The following RUNX2 variants were observed in gnomAD, a reference collection of about 807,000 sequenced individuals.
RUNX2 encodes the protein RUNX family transcription factor 2, also known as runt-related transcription factor 2.
RUNX2 carries 10 observed loss-of-function variants against 51.7 expected under a neutral mutation model. The observed-to-expected ratio is 0.19, with a 90% CI of 0.12 to 0.33. The LOEUF (loss-of-function observed/expected upper bound fraction) is 0.33, where lower values mean the gene tolerates loss of function less well. Ranked by LOEUF, RUNX2 falls within the 10% of genes least tolerant of loss-of-function variation. The pLI is 1.00. For missense variants in RUNX2, 562 were observed against 691.3 expected, an observed-to-expected ratio of 0.81 and a Z score of 2.10; for synonymous variants, 276 against 273.6, an observed-to-expected ratio of 1.01 and a Z score of -0.09.
chr6:45,537,237 C>G (rs1802066957), intron 7 of RUNX2, among the ~76,000 whole-genome samples: 1 of 152,158 alleles, frequency 6.6e-6, no homozygotes, highest in Non-Finnish European at 1.5e-5. Flanking sequence ...GCGTCTGCCT[C>G]CCATTCCACC....
intron 2 of RUNX2, among the ~76,000 whole-genome samples, chr6:45,381,150 A>G (rs1042232612): frequency 1.3e-5 from 2 of 152,152 alleles, no homozygotes; most frequent in Admixed American, 6.6e-5. Flanking sequence ...CTGTTTTCCA[A>G]TTGCATTCTC....
chr6:45,532,161 G>GTTTTTTTTTT (rs1801873724), intron 7 of RUNX2, among the ~76,000 whole-genome samples: 1 of 100,808 alleles, frequency 9.9e-6, no homozygotes. Flanking sequence ...AGAAAACCTA[G>GTTTTTTTTTT]ATTTTTTTTT....
At chr6:45,506,200 C>T (rs553510258) in intron 6 of RUNX2, among the ~76,000 whole-genome samples, 40 of 152,246 alleles carry the variant, frequency 2.6e-4, no homozygotes, top group African/African-American at 8.9e-4. Context: ...CCTCAGGGCC[C>T]GCAGGAGCAG....
At chr6:45,373,712 G>A (rs751526349) in intron 2 of RUNX2, among the ~76,000 whole-genome samples, 6 of 151,964 alleles carry the variant, frequency 3.9e-5, no homozygotes, top group South Asian at 2.1e-4. Flanking sequence ...CACCATGCCC[G>A]GCTAATTTTT....
intron 5 of RUNX2, among the ~76,000 whole-genome samples, chr6:45,446,794 C>A (rs1799011696): frequency 6.6e-6 from 1 of 152,054 alleles, no homozygotes; most frequent in Non-Finnish European, 1.5e-5. Flanking sequence ...TTTATTTAAG[C>A]AGGTATAAAA....
chr6:45,409,214 T>C (rs1459401619), intron 2 of RUNX2, among the ~76,000 whole-genome samples: 2 of 152,238 alleles, frequency 1.3e-5, no homozygotes, highest in African/African-American at 4.8e-5. Flanking sequence ...CTCTTCCTTT[T>C]GAACTCCCTT....
intron 5 of RUNX2, among the ~76,000 whole-genome samples, chr6:45,483,201 T>C (rs1253257661): frequency 6.6e-6 from 1 of 152,188 alleles, no homozygotes; most frequent in Admixed American, 6.5e-5. Flanking sequence ...GAAGACAGTT[T>C]CTTAGCCCAT....
chr6:45,373,246 G>A (rs181888958), intron 2 of RUNX2, among the ~76,000 whole-genome samples: 14 of 152,120 alleles, frequency 9.2e-5, no homozygotes, highest in South Asian at 8.3e-4. Context: ...AGCCGGCCAC[G>A]ATTTTCATGT....
chr6:45,433,604 A>G (rs1339136196), intron 4 of RUNX2, among the ~76,000 whole-genome samples: 1 of 152,132 alleles, frequency 6.6e-6, no homozygotes, highest in African/African-American at 2.4e-5. Flanking sequence ...TTTGTATTAT[A>G]TAGATGCTGC....
At chr6:45,416,231 C>A (rs1011210359) in intron 2 of RUNX2, among the ~76,000 whole-genome samples, 1 of 152,082 alleles carries the variant, frequency 6.6e-6, no homozygotes, top group African/African-American at 2.4e-5. Flanking sequence ...TCTATTTTTT[C>A]TTACTTTGCT....
chr6:45,530,728 A>G lies in RUNX2; in HGVS notation c.1022-14489A>G, dbSNP rs527841565. Among the ~76,000 whole-genome samples the G allele has an allele frequency of 1.3e-4, 20 of 152,346 alleles. No individual in the cohort carries two copies. The South Asian group carries it at 4.1e-3, about 32-fold the overall frequency. On this transcript the variant is annotated intron_variant, in intron 7 of 8. Transcript: ENST00000647337. ...TCTTCTGCTCTGCTTCAGGAACTCC[A>G]GAGAGTGAGGGAATTAAAAAGGAGC...
At chr6:45,345,041 C>T (rs1346742158) in intron 2 of RUNX2, among the ~76,000 whole-genome samples, 1 of 152,136 alleles carries the variant, frequency 6.6e-6, no homozygotes, top group Non-Finnish European at 1.5e-5. Flanking sequence ...AAAGGCTGTA[C>T]ATTAAAACGT....
intron 3 of RUNX2, among the ~76,000 whole-genome samples, 196 bp from the exon 4 acceptor site, chr6:45,431,667 G>A (rs543832367): frequency 2.6e-5 from 4 of 152,330 alleles, no homozygotes; most frequent in Non-Finnish European, 5.9e-5. Context: ...CCTTTGAAAT[G>A]GGTGGACCCT....
intron 3 of RUNX2, among the ~76,000 whole-genome samples, chr6:45,429,123 A>G (rs902483387): frequency 1.3e-5 from 2 of 152,198 alleles, no homozygotes; most frequent in African/African-American, 4.8e-5. Flanking sequence ...TTTCCAATTC[A>G]TATTGGAAAA....
rs537718575 is a variant in RUNX2 at position 45,525,855 on chromosome 6, G to C, written c.1021+13448G>C. On this transcript the variant is annotated intron_variant, in intron 7 of 8. Coordinates refer to ENST00000647337, the MANE Select transcript of RUNX2 (RefSeq NM_001024630.4). Reference sequence around the variant, plus strand: ...ACAGAAAATACAAAAATTAGCTGGGGGTGGTGCGTGCCTGTAGTCCCAGCT... The same window carrying C: ...ACAGAAAATACAAAAATTAGCTGGGCGTGGTGCGTGCCTGTAGTCCCAGCT... 1.1e-4 allele frequency among the ~76,000 whole-genome samples: 17 copies of C among 152,076 alleles called. No homozygotes were observed. The East Asian group carries it at 2.9e-3, about 26-fold the overall frequency.
rs781482843 is a variant in RUNX2 at position 45,328,650 on chromosome 6, T to G, written c.-66-11T>G. 7 of 1,610,894 alleles carry G rather than the reference T, an allele frequency of 4.3e-6. No homozygotes were observed. Among genetic ancestry groups the G allele is most frequent in the Admixed American group, 1.7e-5 (1 of 59,764 alleles). On this transcript the variant is annotated splice_polypyrimidine_tract_variant and intron_variant, in intron 1 of 8. Transcript: ENST00000647337. ...ACTAAAACAAGGTTTGGGTATGGTT[T>G]GTATTTTCAGTTTAAGGCTGCAAGC... is the stretch of plus-strand genomic sequence containing the variant.
intron 2 of RUNX2, among the ~76,000 whole-genome samples, chr6:45,340,329 C>T (rs1042929437): frequency 6.6e-6 from 1 of 151,568 alleles, no homozygotes; most frequent in Non-Finnish European, 1.5e-5. Context: ...TTTGTTAAGC[C>T]CCCTTCCCCC....
intron 7 of RUNX2, among the ~76,000 whole-genome samples, chr6:45,533,094 A>G (rs1473434516): frequency 1.3e-5 from 2 of 151,944 alleles, no homozygotes; most frequent in East Asian, 3.8e-4. Flanking sequence ...TTATTACTAT[A>G]GCACCAGGAA....
At chr6:45,339,897 T>C (rs764464694) in intron 2 of RUNX2, among the ~76,000 whole-genome samples, 105 of 152,328 alleles carry the variant, frequency 6.9e-4, no homozygotes, top group Non-Finnish European at 1.3e-3. Flanking sequence ...TACCGGGTAC[T>C]ATGCTAAGCC....
Sources: gnomAD v4.1 joint callset for allele counts (sites outside exome capture counted in the v4.1 genomes callset) on GRCh38, gnomAD v4.1.1 for gene constraint, MANE v1.5 for transcripts, NCBI Gene and HGNC (gene_info 2026-07-23, HGNC 2026-07-21) for gene names.